PHLPP1: variants seen among roughly 807,000 people sequenced by gnomAD.
The protein encoded by PHLPP1 is PH domain leucine-rich repeat-containing protein phosphatase 1.
Under a neutral mutation model 117.2 loss-of-function variants are expected in PHLPP1, and 42 were observed. The observed-to-expected ratio is 0.36, with a 90% CI of 0.28 to 0.46. The LOEUF is 0.46. Among genes scored for constraint, PHLPP1 ranks in the 20% least tolerant of loss-of-function variants. PHLPP1 has a pLI of 1.00. For missense variants in PHLPP1, 2,084 were observed against 2,241.9 expected (o/e 0.93, Z 1.42); for synonymous variants, 1,042 against 970.7 (o/e 1.07, Z -1.37).
At chr18:62,750,746 C>T (rs1911825994) in intron 1 of PHLPP1, among the ~76,000 whole-genome samples, 1 of 150,440 alleles carries the variant, frequency 6.6e-6, no homozygotes, top group Non-Finnish European at 1.5e-5. Context: ...CTACTGGGTT[C>T]TCCACTTTCT....
chr18:62,895,778 T>C lies in PHLPP1; in HGVS notation c.2214-3T>C, dbSNP rs376370152. On this transcript the variant is annotated splice_polypyrimidine_tract_variant and splice_region_variant and intron_variant, in intron 5 of 16. Coordinates refer to ENST00000262719, the MANE Select transcript of PHLPP1 (RefSeq NM_194449.4). Reference sequence around the variant, plus strand: ...TTTGTAATTCTTATGTTTTCTCTAATAGCTTACAGACATTTTTGTTGGATG... The same window carrying C: ...TTTGTAATTCTTATGTTTTCTCTAACAGCTTACAGACATTTTTGTTGGATG... 3.2e-6 allele frequency: 5 copies of C among 1,552,550 alleles called. No homozygotes were observed. In the Admixed American group the frequency reaches 8.4e-5, roughly 26 times the overall value.
intron 4 of PHLPP1, among the ~76,000 whole-genome samples, chr18:62,888,287 ATGTGTGTGTG>A (rs200659921): frequency 0.016 from 2,139 of 130,886 alleles, 46 homozygotes; most frequent in African/African-American, 0.049. Flanking sequence ...ATTTCACAAA[ATGTGTGTGTG>A]TGTGTGTGTG....
At chr18:62,794,225 T>C (rs1050856868) in intron 1 of PHLPP1, among the ~76,000 whole-genome samples, 11 of 152,154 alleles carry the variant, frequency 7.2e-5, no homozygotes, top group Admixed American at 1.3e-4. Context: ...AGTGCTTGTT[T>C]TGTTTTGTTG....
intron 4 of PHLPP1, among the ~76,000 whole-genome samples, chr18:62,879,764 G>T (rs1003083142): frequency 3.3e-5 from 5 of 152,174 alleles, no homozygotes; most frequent in African/African-American, 9.7e-5. Flanking sequence ...ACAGATGCCT[G>T]TTTTTCATCC....
At chr18:62,805,860 A>T (rs1913934904) in intron 1 of PHLPP1, among the ~76,000 whole-genome samples, 1 of 151,336 alleles carries the variant, frequency 6.6e-6, no homozygotes, top group African/African-American at 2.4e-5. Flanking sequence ...TTTCACCCCC[A>T]TGCATATAGA....
In PHLPP1 at chr18:62,766,084, T is replaced by A. The variant is rs868106134; in HGVS notation, c.1576+48825T>A. ...TCAAAAAAAAAAAAAAAAATATATA[T>A]ATATATATATATATATATAAAATAT... On this transcript the variant is annotated intron_variant, in intron 1 of 16. Coordinates refer to ENST00000262719, the MANE Select transcript of PHLPP1 (RefSeq NM_194449.4). Among the ~76,000 whole-genome samples, 463 of 54,188 alleles carry A rather than the reference T, an allele frequency of 8.5e-3. 21 individuals carry two copies. The highest frequency in any genetic ancestry group is 0.019 in the African/African-American group (324 of 16,820). The allele number at this position is 54,188 out of a possible 152,430, so 35.5% of individuals were successfully genotyped here.
At chr18:62,737,399 A>T (rs1198940217) in intron 1 of PHLPP1, among the ~76,000 whole-genome samples, 1 of 152,178 alleles carries the variant, frequency 6.6e-6, no homozygotes. Flanking sequence ...TCAAGTGGAG[A>T]ATGACATGAT....
chr18:62,830,056 G>A lies in PHLPP1; in HGVS notation c.1598G>A (p.Ser533Asn). Residue 533 changes from serine (S) to asparagine (N), a missense_variant, in exon 2 of 17, where the codon AGC becomes AAC. Physicochemically the swap from Ser to Asn is conservative, Grantham distance 46. Coordinates refer to ENST00000262719, the MANE Select transcript of PHLPP1 (RefSeq NM_194449.4). ...FYAGKPHSTG[S>N]SERIQLSGMY... ...TCAGGAAAACCTCACAGCACGGGTA[G>A]CTCTGAACGGATTCAGCTCTCAGGA... 1 of 1,613,146 alleles carries A rather than the reference G, an allele frequency of 6.2e-7. No homozygotes were observed. Among genetic ancestry groups the A allele is most frequent in the Non-Finnish European group, 8.5e-7 (1 of 1,179,424 alleles).
chr18:62,863,116 C>G (rs903996727), intron 4 of PHLPP1, among the ~76,000 whole-genome samples: 1 of 151,774 alleles, frequency 6.6e-6, no homozygotes, highest in Non-Finnish European at 1.5e-5. Context: ...ATGGCTTACT[C>G]CATAGGCAAA....
chr18:62,961,147 AT>A (rs992497828), intron 13 of PHLPP1, among the ~76,000 whole-genome samples: 1 of 152,152 alleles, frequency 6.6e-6, no homozygotes, highest in Non-Finnish European at 1.5e-5. Flanking sequence ...ATACAAAAAA[AT>A]TGGCGGGCGA....
intron 1 of PHLPP1, among the ~76,000 whole-genome samples, chr18:62,805,129 T>A (rs1387998773): frequency 7.1e-6 from 1 of 141,716 alleles, no homozygotes; most frequent in Non-Finnish European, 1.5e-5. Context: ...ATGCACTGCA[T>A]AGGTTATACA....
intron 4 of PHLPP1, among the ~76,000 whole-genome samples, chr18:62,874,790 C>T (rs1916006961): frequency 6.6e-6 from 1 of 152,096 alleles, no homozygotes; most frequent in Non-Finnish European, 1.5e-5. Context: ...AAGTGAGTAC[C>T]CCAAGAAAAC....
intron 1 of PHLPP1, among the ~76,000 whole-genome samples, chr18:62,795,953 C>A (rs1432233079): frequency 6.6e-6 from 1 of 152,194 alleles, no homozygotes; most frequent in East Asian, 1.9e-4. Context: ...ACTATGTCAT[C>A]CTTCTACTCA....
chr18:62,827,655 G>A (rs547733376), intron 1 of PHLPP1, among the ~76,000 whole-genome samples: 6 of 152,302 alleles, frequency 3.9e-5, no homozygotes, highest in African/African-American at 1.4e-4. Context: ...ATTCATACTG[G>A]GATCTTTAGG....
intron 1 of PHLPP1, among the ~76,000 whole-genome samples, chr18:62,736,848 A>G (rs1177295757): frequency 6.6e-6 from 1 of 152,176 alleles, no homozygotes; most frequent in Admixed American, 6.5e-5. Context: ...AGTGATATAG[A>G]CATTATTTAT....
At chr18:62,849,832 A>ATATATATATATATATATATATATATATAT (rs747097979) in intron 3 of PHLPP1, among the ~76,000 whole-genome samples, 4 of 33,094 alleles carry the variant, frequency 1.2e-4, no homozygotes, top group African/African-American at 2.5e-4. Flanking sequence ...AAAAAAAAAA[A>ATATATATATATATATATATATATATATAT]ATATATATAT....
At chr18:62,946,903 A>G (rs1237254062) in intron 12 of PHLPP1, among the ~76,000 whole-genome samples, 1 of 152,086 alleles carries the variant, frequency 6.6e-6, no homozygotes, top group East Asian at 1.9e-4. Context: ...AATAGAAAAA[A>G]TTAGCCGGGC....
In PHLPP1 at chr18:62,717,257, C is replaced by T. The variant is rs990973875; in HGVS notation, c.1574C>T (p.Ala525Val). 1 of 1,579,664 alleles carries T rather than the reference C, an allele frequency of 6.3e-7. No individual in the cohort carries two copies. Residue 525 changes from alanine to valine, a missense_variant and splice_region_variant, in exon 1 of 17, where the codon GCA becomes GTA. Physicochemically the swap from Ala to Val is moderately conservative, Grantham distance 64. Coordinates refer to ENST00000262719, the MANE Select transcript of PHLPP1 (RefSeq NM_194449.4). ...ATTGGCTGCCTCATCCGCTTCTATG[C>T]AGGTAAGGAAGTCACCTGCCTTGAC... ...SEIGCLIRFY[A>V]GKPHSTGSSE...
At chr18:62,945,415 C>G (rs987237432) in intron 12 of PHLPP1, 144 bp downstream of exon 12, 1 of 619,046 alleles carries the variant, frequency 1.6e-6, no homozygotes. Context: ...TCCTTCCTAA[C>G]CAATGGGCTA....
Sources: gnomAD v4.1 joint callset for allele counts (sites outside exome capture counted in the v4.1 genomes callset) on GRCh38, gnomAD v4.1.1 for gene constraint, MANE v1.5 for transcripts, NCBI Gene and HGNC (gene_info 2026-07-23, HGNC 2026-07-21) for gene names.